Variants in CPEB4 observed in about 807,000 individuals in gnomAD.
CPEB4 encodes cytoplasmic polyadenylation element-binding protein 4.
A neutral mutation model predicts 72.5 loss-of-function variants in CPEB4; 12 were observed. That is an observed-to-expected ratio of 0.17 (90% CI 0.11 to 0.27). The LOEUF (loss-of-function observed/expected upper bound fraction) is 0.27, where lower values mean the gene tolerates loss of function less well. CPEB4 is among the 10% of genes least tolerant of loss of function. CPEB4 has a pLI of 1.00. For missense variants in CPEB4, 614 were observed against 908.5 expected (o/e 0.68, Z 4.17); for synonymous variants, 302 against 326.3 (o/e 0.93, Z 0.80).
Position 173,910,572 on chromosome 5 carries a change from A to C in CPEB4, c.1175A>C (p.Asp392Ala), listed in dbSNP as rs1227930241. 6.2e-7 allele frequency: 1 copy of C among 1,612,054 alleles called. No individual in the cohort carries two copies. Among genetic ancestry groups the C allele is most frequent in the South Asian group, 1.1e-5 (1 of 91,036 alleles). The change falls in exon 2 of 10, where the codon GAC becomes GCC. Residue 392 changes from aspartate (D) to alanine (A), a missense_variant. Around this residue, in one of 5 missense-constraint regions of CPEB4, gnomAD observed 458 missense variants for 548.6 expected, o/e 0.83. Coordinates refer to ENST00000265085, the MANE Select transcript of CPEB4 (RefSeq NM_030627.4). ...CACTCACTGGAGAGTTCACTCATTG[A>C]CATAATGAGAGCTGAAAATGATACC... Reference protein sequence around the residue: ...DMHSLESSLIDIMRAENDTIK... With the variant: ...DMHSLESSLIAIMRAENDTIK...
intron 1 of CPEB4, among the ~76,000 whole-genome samples, chr5:173,906,819 T>G (rs1756451928): frequency 6.6e-6 from 1 of 152,240 alleles, no homozygotes; most frequent in Non-Finnish European, 1.5e-5. Context: ...AAATTTAAAA[T>G]TTAATTTAGG....
chr5:173,952,094 G>A (rs556975740), intron 8 of CPEB4, among the ~76,000 whole-genome samples, 156 bp downstream of exon 8: 1 of 152,268 alleles, frequency 6.6e-6, no homozygotes, highest in East Asian at 1.9e-4. Context: ...TAATAGTTAA[G>A]TGACCTTGGA....
chr5:173,891,285 A>C (rs535240334), intron 1 of CPEB4: 1 of 152,870 alleles, frequency 6.5e-6, no homozygotes, highest in East Asian at 1.9e-4. Flanking sequence ...ACTATAAGGT[A>C]GTGATTCACT....
chr5:173,899,297 G>A (rs576923223), intron 1 of CPEB4, among the ~76,000 whole-genome samples: 1 of 152,210 alleles, frequency 6.6e-6, no homozygotes, highest in East Asian at 1.9e-4. Flanking sequence ...TTATTTTGAA[G>A]CAATTGCTTC....
At chr5:173,923,040 T>A (rs1367753343) in intron 2 of CPEB4, among the ~76,000 whole-genome samples, 1 of 152,112 alleles carries the variant, frequency 6.6e-6, no homozygotes, top group Non-Finnish European at 1.5e-5. Flanking sequence ...TAGGAGAAAA[T>A]AGGTAGTGGG....
At chr5:173,949,421 ATAG>A (rs1758141815) in intron 5 of CPEB4, 84 bp from the exon 6 acceptor site, 1 of 918,040 alleles carries the variant, frequency 1.1e-6, no homozygotes, top group Admixed American at 2.2e-5. Flanking sequence ...GTTCTTGTAA[ATAG>A]TAGATTTGAA....
chr5:173,926,861 G>A (rs1402710855), intron 2 of CPEB4, among the ~76,000 whole-genome samples: 1 of 152,124 alleles, frequency 6.6e-6, no homozygotes, highest in Non-Finnish European at 1.5e-5. Flanking sequence ...AGATAGATGA[G>A]TTCTTGGCTG....
Position 173,950,101 on chromosome 5 carries a change from T to C in CPEB4, c.1665+23T>C, listed in dbSNP as rs1412465814. The C allele has an allele frequency of 2.1e-6, 3 of 1,433,546 alleles. No homozygotes were observed. The highest frequency in any genetic ancestry group is 4.0e-5 in the Admixed American group (2 of 49,860). 88.8% of individuals were successfully genotyped at this position (1,433,546 alleles called of 1,614,324 possible). On this transcript the variant is annotated intron_variant, in intron 7 of 9. Transcript: ENST00000265085. The surrounding 1 kb of genome is among the most constrained non-coding windows in gnomAD (Gnocchi z 5.0). Reference sequence around the variant, plus strand: ...CCAGTAAGTGTGGTTTAGCATAAAATAGCTTCTTGTTTTTGCCTCCATTCA... The same window carrying C: ...CCAGTAAGTGTGGTTTAGCATAAAACAGCTTCTTGTTTTTGCCTCCATTCA...
intron 2 of CPEB4, among the ~76,000 whole-genome samples, chr5:173,912,965 T>A (rs1756719755): frequency 6.6e-6 from 1 of 151,436 alleles, no homozygotes; most frequent in African/African-American, 2.4e-5. Flanking sequence ...TAAAGAACAT[T>A]TGTATATTCT....
chr5:173,949,637 T>G (rs778358447), intron 6 of CPEB4, 40 bp downstream of exon 6: 5 of 1,361,084 alleles, frequency 3.7e-6, no homozygotes, highest in Non-Finnish European at 4.2e-6. Flanking sequence ...AATTTATTCT[T>G]ACATTGTTTA....
Position 173,890,835 on chromosome 5 carries a change from G to A in CPEB4, c.1102G>A (p.Ala368Thr). Reference sequence around the variant, plus strand: ...CTGGATGGAAGATAGCTTGAACAGGGCTGACAACATTTTTCCTTTTCCGGT... The same window carrying A: ...CTGGATGGAAGATAGCTTGAACAGGACTGACAACATTTTTCCTTTTCCGGT... Reference protein sequence around the residue: ...KSWMEDSLNRADNIFPFPDRP... With the variant: ...KSWMEDSLNRTDNIFPFPDRP... Residue 368 changes from alanine (A) to threonine (T), a missense_variant, in exon 1 of 10, where the codon GCT becomes ACT. Physicochemically the swap from Ala to Thr is moderately conservative, Grantham distance 58 (BLOSUM62 0). Around this residue, in one of 5 missense-constraint regions of CPEB4, gnomAD observed 458 missense variants for 548.6 expected, o/e 0.83. Coordinates refer to ENST00000265085, the MANE Select transcript of CPEB4 (RefSeq NM_030627.4). 6.2e-7 allele frequency: 1 copy of A among 1,611,094 alleles called. No homozygotes were observed. The highest frequency in any genetic ancestry group is 8.5e-7 in the Non-Finnish European group (1 of 1,178,640).
At chr5:173,939,441 A>G (rs1010384351) in intron 3 of CPEB4, among the ~76,000 whole-genome samples, 3 of 152,162 alleles carry the variant, frequency 2.0e-5, no homozygotes, top group African/African-American at 7.2e-5. Context: ...ATTATTACAA[A>G]TGTTGCAACA....
intron 3 of CPEB4, among the ~76,000 whole-genome samples, chr5:173,939,672 G>A (rs942575936): frequency 1.3e-4 from 19 of 151,416 alleles, no homozygotes; most frequent in African/African-American, 4.4e-4. Context: ...CTGTAAAGAC[G>A]TTTTAGAAAT....
In CPEB4 at chr5:173,956,039, T is replaced by C; in HGVS notation, c.2092T>C (p.Trp698Arg). 6.2e-7 allele frequency: 1 copy of C among 1,614,174 alleles called. No homozygotes were observed. The highest frequency in any genetic ancestry group is 2.2e-5 in the East Asian group (1 of 44,886). Residue 698 changes from tryptophan to arginine, a missense_variant, in exon 10 of 10, where the codon TGG becomes CGG. Trp to Arg is a moderately radical substitution (Grantham distance 101). Around this residue, in one of 5 missense-constraint regions of CPEB4, gnomAD observed 101 missense variants for 243.1 expected, o/e 0.42. Transcript: ENST00000265085. ...TCLQYYCEYC[W>R]AAIHSRAGRE... ...TCTGCAGTATTACTGTGAATATTGC[T>C]GGGCTGCTATCCATTCTCGTGCTGG...
chr5:173,951,089 C>T (rs1305343958), intron 7 of CPEB4, among the ~76,000 whole-genome samples: 1 of 152,100 alleles, frequency 6.6e-6, no homozygotes, highest in Non-Finnish European at 1.5e-5. Context: ...GTGGTCTGGA[C>T]TCTTTCTGCT....
chr5:173,894,149 A>G (rs1484414811), intron 1 of CPEB4, among the ~76,000 whole-genome samples: 3 of 152,046 alleles, frequency 2.0e-5, no homozygotes, highest in Non-Finnish European at 4.4e-5. Flanking sequence ...ACATACTACT[A>G]TGCCCGGCTA....
chr5:173,925,821 C>G (rs953857722), intron 2 of CPEB4, among the ~76,000 whole-genome samples: 1 of 152,198 alleles, frequency 6.6e-6, no homozygotes, highest in African/African-American at 2.4e-5. Context: ...GAGGTAGGAG[C>G]AGCACTTCTA....
intron 1 of CPEB4, among the ~76,000 whole-genome samples, chr5:173,905,011 A>G (rs973460411): frequency 3.1e-4 from 28 of 90,604 alleles, no homozygotes; most frequent in African/African-American, 9.7e-4. Context: ...TAATAATAAT[A>G]ATAATAAAAA....
Position 173,900,993 on chromosome 5 carries a change from A to G in CPEB4, c.1126-9530A>G, listed in dbSNP as rs578183136. ...TCACAAGTATCAAAGCTTGTGATAG[A>G]TTTTAATTATTTCTCTCTGCTAGGC... On this transcript the variant is annotated intron_variant, in intron 1 of 9. Transcript: ENST00000265085. The surrounding 1 kb of genome is among the most constrained non-coding windows in gnomAD (Gnocchi z 4.4). 3.3e-5 allele frequency among the ~76,000 whole-genome samples: 5 copies of G among 152,266 alleles called. No homozygotes were observed. The highest frequency in any genetic ancestry group is 1.2e-4 in the African/African-American group (5 of 41,548).
Sources: gnomAD v4.1 joint callset for allele counts (sites outside exome capture counted in the v4.1 genomes callset) on GRCh38, gnomAD v4.1.1 for gene constraint, gnomAD v4.1.1 regional missense constraint, Gnocchi (gnomAD v3.1) non-coding constraint, MANE v1.5 for transcripts, NCBI Gene and HGNC (gene_info 2026-07-23, HGNC 2026-07-21) for gene names.